The following ANKS1B variants were observed in gnomAD, a reference collection of about 807,000 sequenced individuals.
The protein encoded by ANKS1B is ankyrin repeat and sterile alpha motif domain containing 1B.
ANKS1B carries 36 observed loss-of-function variants against 148.3 expected under a neutral mutation model. That is an observed-to-expected ratio of 0.24 (90% CI 0.19 to 0.32). The LOEUF is 0.32. ANKS1B is among the 10% of genes least tolerant of loss of function. The pLI, the probability that ANKS1B is intolerant of heterozygous loss-of-function variation, is 1.00. For synonymous variants in ANKS1B, 542 were observed against 560.8 expected, an observed-to-expected ratio of 0.97 and a Z score of 0.47; for missense variants, 1,157 against 1,542.6, an observed-to-expected ratio of 0.75 and a Z score of 4.19.
chr12:99,647,974 C>A, intron 9 of ANKS1B: 1 of 673,140 alleles, frequency 1.5e-6, no homozygotes, highest in Non-Finnish European at 2.4e-6. Flanking sequence ...ATCCAGGGGA[C>A]TGACTGTCTC....
intron 8 of ANKS1B, chr12:99,772,711 G>C (rs1273096660): frequency 2.6e-6 from 1 of 384,036 alleles, no homozygotes; most frequent in East Asian, 3.9e-5. Flanking sequence ...TCTAAAAGTA[G>C]AGAGACCATG....
chr12:99,483,511 T>A lies in ANKS1B; in HGVS notation c.1438+20965A>T, dbSNP rs539011121. On this transcript the variant is annotated intron_variant, in intron 10 of 26. Transcript: ENST00000683438. ...GGGCATCAGGCTGATACTGGCTTCA[T>A]AGAATGATTTAGGAAGGATTCCCTC... Among the ~76,000 whole-genome samples, 13 of 152,172 alleles carry A rather than the reference T, an allele frequency of 8.5e-5. 1 individual carries two copies. In the South Asian group the frequency reaches 2.7e-3, roughly 32 times the overall value.
At chr12:99,338,115 A>G (rs4254163) in intron 12 of ANKS1B, among the ~76,000 whole-genome samples, 72,456 of 151,948 alleles carry the variant, frequency 0.48, 19,795 homozygotes, top group African/African-American at 0.75. Flanking sequence ...CCCTTCAGGG[A>G]GGTAAGCTCC....
chr12:98,997,844 A>T (rs1187574189), intron 17 of ANKS1B, among the ~76,000 whole-genome samples: 1 of 152,144 alleles, frequency 6.6e-6, no homozygotes, highest in African/African-American at 2.4e-5. Context: ...GTAAATAATT[A>T]TTGTTAAGAT....
chr12:99,022,883 A>G (rs1249088700), intron 17 of ANKS1B, among the ~76,000 whole-genome samples: 1 of 152,106 alleles, frequency 6.6e-6, no homozygotes, highest in African/African-American at 2.4e-5. Context: ...TAATTAGGCT[A>G]AGAAATTTTC....
At chr12:99,447,843 GA>G (rs1223045486) in intron 10 of ANKS1B, among the ~76,000 whole-genome samples, 2 of 151,938 alleles carry the variant, frequency 1.3e-5, no homozygotes, top group Non-Finnish European at 2.9e-5. Flanking sequence ...ACAGGTATAT[GA>G]AAAAAATCCC....
At chr12:98,838,290 T>C (rs1378392215) in intron 17 of ANKS1B, among the ~76,000 whole-genome samples, 1 of 152,180 alleles carries the variant, frequency 6.6e-6, no homozygotes, top group Non-Finnish European at 1.5e-5. Flanking sequence ...AGACACAGCA[T>C]AGAAAACACC....
chr12:99,171,292 G>A lies in ANKS1B; in HGVS notation c.2420-16897C>T, dbSNP rs141090305. Among the ~76,000 whole-genome samples, 440 of 152,212 alleles carry A rather than the reference G, an allele frequency of 2.9e-3. 5 individuals carry two copies. Among genetic ancestry groups the A allele is most frequent in the African/African-American group, 9.3e-3 (386 of 41,522 alleles). On this transcript the variant is annotated intron_variant, in intron 14 of 26. Transcript: ENST00000683438. ...GAAAAACTGACAGTAAGAATTAGCAGGAAAAGAGACAACCCATAAGAACAA... is the reference window on the plus strand; with the variant it reads ...GAAAAACTGACAGTAAGAATTAGCAAGAAAAGAGACAACCCATAAGAACAA...
rs1009093291 is a variant in ANKS1B, at chr12:99,177,136, T to C, written c.2420-22741A>G. Among the ~76,000 whole-genome samples, 3 of 152,184 alleles carry C rather than the reference T, an allele frequency of 2.0e-5. No individual in the cohort carries two copies. In the East Asian group the frequency reaches 5.8e-4, roughly 29 times the overall value. Reference sequence around the variant, plus strand: ...ACCAGGCATGCAAAACTGTCTTTAGTCACTATGTTCCAAGTCTTGGCAACA... The same window carrying C: ...ACCAGGCATGCAAAACTGTCTTTAGCCACTATGTTCCAAGTCTTGGCAACA... On this transcript the variant is annotated intron_variant, in intron 14 of 26. Coordinates refer to ENST00000683438, the MANE Select transcript of ANKS1B (RefSeq NM_001352186.2).
intron 11 of ANKS1B, among the ~76,000 whole-genome samples, chr12:99,421,569 A>G (rs1215132270): frequency 6.6e-6 from 1 of 152,090 alleles, no homozygotes; most frequent in East Asian, 1.9e-4. Flanking sequence ...ATTAATCACA[A>G]TAAGCCTTTT....
chr12:99,221,202 T>C (rs2085078986), intron 14 of ANKS1B, among the ~76,000 whole-genome samples: 2 of 152,002 alleles, frequency 1.3e-5, no homozygotes, highest in African/African-American at 4.8e-5. Flanking sequence ...TGGCCAGGCA[T>C]GGTGGCGGGC....
chr12:99,711,831 T>A (rs1288091514), intron 8 of ANKS1B, among the ~76,000 whole-genome samples: 1 of 152,158 alleles, frequency 6.6e-6, no homozygotes, highest in Non-Finnish European at 1.5e-5. Context: ...TTCAACCCAG[T>A]AATCCCATTA....
intron 17 of ANKS1B, among the ~76,000 whole-genome samples, chr12:98,953,539 T>TTG (rs2099857397): frequency 3.0e-5 from 2 of 66,242 alleles, no homozygotes; most frequent in African/African-American, 2.4e-4. Context: ...CTAGAGTGGT[T>TTG]TTTTTTTTTT....
intron 12 of ANKS1B, among the ~76,000 whole-genome samples, chr12:99,268,316 A>G (rs2076669244): frequency 6.6e-6 from 1 of 152,228 alleles, no homozygotes. Flanking sequence ...CAGAAATATG[A>G]GTCCCCTTGA....
chr12:99,383,154 G>T (rs190208898), intron 12 of ANKS1B, among the ~76,000 whole-genome samples: 1 of 152,240 alleles, frequency 6.6e-6, no homozygotes, highest in East Asian at 1.9e-4. Context: ...GCGTGAACAT[G>T]GAAACATACA....
chr12:98,766,216 C>A (rs988240389), intron 25 of ANKS1B, among the ~76,000 whole-genome samples: 7 of 152,296 alleles, frequency 4.6e-5, no homozygotes, highest in African/African-American at 1.7e-4. Flanking sequence ...GTGATTTATG[C>A]CAATGGAGAG....
At chr12:98,930,343 A>G (rs1000209352) in intron 17 of ANKS1B, among the ~76,000 whole-genome samples, 6 of 152,174 alleles carry the variant, frequency 3.9e-5, no homozygotes, top group Non-Finnish European at 1.5e-5. Context: ...GGGATTATAA[A>G]ATGGTGAAGC....
chr12:99,511,636 G>C (rs1269707333), intron 9 of ANKS1B, among the ~76,000 whole-genome samples: 1 of 151,962 alleles, frequency 6.6e-6, no homozygotes, highest in Non-Finnish European at 1.5e-5. Flanking sequence ...AAAAGTTGGA[G>C]GCATCACGCT....
chr12:99,762,293 T>C (rs1226548141), intron 8 of ANKS1B, among the ~76,000 whole-genome samples: 2 of 152,038 alleles, frequency 1.3e-5, no homozygotes, highest in African/African-American at 4.8e-5. Context: ...CTTCCAACTA[T>C]ACTATACAGC....
Sources: gnomAD v4.1 joint callset for allele counts (sites outside exome capture counted in the v4.1 genomes callset) on GRCh38, gnomAD v4.1.1 for gene constraint, MANE v1.5 for transcripts, NCBI Gene and HGNC (gene_info 2026-07-23, HGNC 2026-07-21) for gene names.